SLC34A3: variants seen among roughly 807,000 people sequenced by gnomAD.
SLC34A3 encodes the protein solute carrier family 34 member 3.
SLC34A3 carries 60 observed loss-of-function variants against 43.9 expected under a neutral mutation model. The ratio of observed to expected loss-of-function variants is 1.37; its 90% CI spans 1.11 to 1.70. The LOEUF (loss-of-function observed/expected upper bound fraction) is 1.70. Among genes scored for constraint, SLC34A3 ranks in the 40% most tolerant of loss-of-function variants. The pLI, the probability that SLC34A3 is intolerant of heterozygous loss-of-function variation, is 0.00. For missense variants in SLC34A3, 969 were observed against 823.8 expected, an observed-to-expected ratio of 1.18 and a Z score of -2.16; for synonymous variants, 451 against 386.2, an observed-to-expected ratio of 1.17 and a Z score of -1.97.
At chr9:137,233,779 T>TTTGG in intron 8 of SLC34A3, 57 bp downstream of exon 8, 1 of 1,445,804 alleles carries the variant, frequency 6.9e-7, no homozygotes, top group Non-Finnish European at 9.6e-7. Flanking sequence ...TGCTGAGTCA[T>TTTGG]CCCGCCCCAC....
In SLC34A3 at chr9:137,232,071, G is replaced by A. The variant is rs773574103; in HGVS notation, c.86-1G>A. 6.2e-7 allele frequency: 1 copy of A among 1,612,826 alleles called. No homozygotes were observed. Among genetic ancestry groups the A allele is most frequent in the Non-Finnish European group, 8.5e-7 (1 of 1,179,640 alleles). On this transcript the variant is annotated splice_acceptor_variant, in intron 2 of 12. Coordinates refer to ENST00000673835, the MANE Select transcript of SLC34A3 (RefSeq NM_001177316.2). LOFTEE classifies it high-confidence loss of function. ...AGCCGTACTCAATTCTACCTCCACA[G>A]GGACCTCCAGTTCTGCTCCAGTCTT...
intron 12 of SLC34A3, among the ~76,000 whole-genome samples, chr9:137,235,074 A>G (rs957122241): frequency 2.7e-5 from 4 of 150,274 alleles, no homozygotes; most frequent in Non-Finnish European, 5.9e-5. Context: ...CTGCTCCCTC[A>G]AGGAGCAGCC....
Position 137,233,296 on chromosome 9 carries a change from G to A in SLC34A3, c.648G>A (p.Leu216=). Residue 216 remains leucine, a synonymous_variant, in exon 7 of 13, where the codon CTG becomes CTA. Coordinates refer to ENST00000673835, the MANE Select transcript of SLC34A3 (RefSeq NM_001177316.2). The part of the protein sequence containing the change: ...LLPLESATAL[L]ERLSELALGA... ...CACTGGAGAGCGCCACGGCCCTGCT[G>A]GAGAGGCTAAGTGAGCTAGCCCTGG... 6.3e-7 allele frequency: 1 copy of A among 1,594,028 alleles called. No homozygotes were observed.
In SLC34A3 at chr9:137,234,472, G is replaced by T; in HGVS notation, c.1150G>T (p.Gly384Cys). 1.9e-6 allele frequency: 3 copies of T among 1,600,484 alleles called. No homozygotes were observed. Among genetic ancestry groups the T allele is most frequent in the South Asian group, 1.1e-5 (1 of 90,940 alleles). Residue 384 changes from glycine (G) to cysteine (C), a missense_variant, in exon 11 of 13, where the codon GGC (glycine) becomes TGC (cysteine). Physicochemically the swap from Gly to Cys is radical, Grantham distance 159. Coordinates refer to ENST00000673835, the MANE Select transcript of SLC34A3 (RefSeq NM_001177316.2). This position sits in a 1 kb window ranked among gnomAD's most constrained non-coding sequence, Gnocchi z 6.9. ...GGYLAVLAGA[G>C]LTFALQSSSV... ...CTACCTGGCCGTCCTCGCGGGCGCC[G>T]GCCTGACCTTCGCACTGCAGAGCAG...
intron 3 of SLC34A3, 22 bp downstream of exon 3, chr9:137,232,183 G>T (rs375967374): frequency 1.4e-5 from 22 of 1,607,392 alleles, no homozygotes; most frequent in Admixed American, 3.3e-5. Context: ...GGTTCCGGGG[G>T]TGGCAGGCTG....
rs144275345 is a variant in SLC34A3, at chr9:137,234,722, C to T, written c.1326C>T (p.Ser442=). The part of the protein sequence containing the change: ...ALASPADRML[S]ALQVALIHFF... ...CCAGCCCCGCAGACAGGATGCTCAGCGCCCTGCAGGTACTGTCCACCCTGC... is the reference window on the plus strand; with the variant it reads ...CCAGCCCCGCAGACAGGATGCTCAGTGCCCTGCAGGTACTGTCCACCCTGC... The change falls in exon 12 of 13, where the codon AGC becomes AGT. Residue 442 remains serine, a synonymous_variant. Coordinates refer to ENST00000673835, the MANE Select transcript of SLC34A3 (RefSeq NM_001177316.2). The surrounding 1 kb of genome is among the most constrained non-coding windows in gnomAD (Gnocchi z 6.9). 1.3e-4 allele frequency: 204 copies of T among 1,609,870 alleles called. 1 individual carries two copies. Among genetic ancestry groups the T allele is most frequent in the African/African-American group, 1.2e-3 (92 of 74,996 alleles).
rs202071967 is a variant in SLC34A3 at position 137,234,549 on chromosome 9, G to C, written c.1210+17G>C. On this transcript the variant is annotated intron_variant, in intron 11 of 12. Coordinates refer to ENST00000673835, the MANE Select transcript of SLC34A3 (RefSeq NM_001177316.2). The surrounding 1 kb of genome is among the most constrained non-coding windows in gnomAD (Gnocchi z 6.9). The stretch of plus-strand genomic sequence containing the variant: ...CCCTCATGGGTGAGCAGGCAGGACA[G>C]AGGCCTCGGGAACGGGGGCTCGGGC... The C allele has an allele frequency of 1.2e-6, 2 of 1,609,198 alleles. No homozygotes were observed. Among genetic ancestry groups the C allele is most frequent in the Admixed American group, 1.7e-5 (1 of 59,930 alleles).
intron 12 of SLC34A3, 120 bp from the exon 13 acceptor site, chr9:137,235,832 G>GA: frequency 1.1e-6 from 1 of 904,970 alleles, no homozygotes; most frequent in Non-Finnish European, 1.8e-6. Flanking sequence ...TCTCATCCGT[G>GA]AAGCAGGATG....
In SLC34A3 at chr9:137,232,709, T is replaced by C; in HGVS notation, c.304+6T>C. The C allele has an allele frequency of 6.2e-7, 1 of 1,612,874 alleles. No homozygotes were observed. Among genetic ancestry groups the C allele is most frequent in the Non-Finnish European group, 8.5e-7 (1 of 1,179,932 alleles). ...CGCCTTCCAGCTGCTGGGCAGTGAG[T>C]GACGGGACGGGTGCCCAGGGCGGGG... On this transcript the variant is annotated splice_donor_region_variant and intron_variant, in intron 4 of 12. Coordinates refer to ENST00000673835, the MANE Select transcript of SLC34A3 (RefSeq NM_001177316.2).
upstream of SLC34A3, among the ~76,000 whole-genome samples, chr9:137,230,166 T>A (rs1356562644): frequency 6.6e-6 from 1 of 152,050 alleles, no homozygotes; most frequent in Non-Finnish European, 1.5e-5. Context: ...CCAGTCCTCC[T>A]AGGGGACACC....
At chr9:137,233,779 T>TCTCCCCCCCCCC in intron 8 of SLC34A3, 57 bp downstream of exon 8, 1 of 1,445,826 alleles carries the variant, frequency 6.9e-7, no homozygotes, top group Non-Finnish European at 9.6e-7. Context: ...TGCTGAGTCA[T>TCTCCCCCCCCCC]CCCGCCCCAC....
intron 12 of SLC34A3, 51 bp from the exon 13 acceptor site, chr9:137,235,901 G>A (rs1836566978): frequency 1.3e-6 from 2 of 1,575,652 alleles, no homozygotes; most frequent in Non-Finnish European, 1.7e-6. Context: ...CGGGGCCCCT[G>A]GTGACCCCAC....
intron 7 of SLC34A3, 82 bp from the exon 8 acceptor site, chr9:137,233,551 G>A (rs1160887523): frequency 1.3e-6 from 2 of 1,560,062 alleles, no homozygotes; most frequent in East Asian, 4.5e-5. Context: ...GGCAGGGCTG[G>A]GCTGGACCCC....
At chr9:137,231,325 G>A (rs772717533) in intron 1 of SLC34A3, among the ~76,000 whole-genome samples, 3 of 152,196 alleles carry the variant, frequency 2.0e-5, no homozygotes, top group Non-Finnish European at 2.9e-5. Context: ...CAGTGTCCCC[G>A]ATGACACCAG....
In SLC34A3 at chr9:137,236,464, T is replaced by C. The variant is rs570400298; in HGVS notation, c.*48T>C. 1 of 1,472,288 alleles carries C rather than the reference T, an allele frequency of 6.8e-7. No individual in the cohort carries two copies. Among genetic ancestry groups the C allele is most frequent in the Non-Finnish European group, 9.2e-7 (1 of 1,089,572 alleles). The allele number at this position is 1,472,288 out of a possible 1,614,324, so 91.2% of individuals were successfully genotyped here. On this transcript the variant is annotated 3_prime_UTR_variant, in exon 13 of 13. Transcript: ENST00000673835. ...CCCCACCCTCCCCGGCTGGGAGGGCTCTGGAGGGCCCTGGAGGGGGGGTCC... is the reference window on the plus strand; with the variant it reads ...CCCCACCCTCCCCGGCTGGGAGGGCCCTGGAGGGCCCTGGAGGGGGGGTCC...
At chr9:137,232,313 C>A in intron 3 of SLC34A3, 152 bp downstream of exon 3, 3 of 852,096 alleles carry the variant, frequency 3.5e-6, no homozygotes, top group Non-Finnish European at 5.6e-6. Flanking sequence ...GTCCCTCAAC[C>A]GGGTGTCTGT....
chr9:137,230,960 C>G (rs962405700), intron 1 of SLC34A3, 22 bp downstream of exon 1: 5 of 152,566 alleles, frequency 3.3e-5, no homozygotes, highest in Non-Finnish European at 5.9e-5. Context: ...TAGGACCAGG[C>G]TGAGGCCCAG....
In SLC34A3 at chr9:137,234,191, C is replaced by A; in HGVS notation, c.1008C>A (p.Cys336Ter). 6.2e-7 allele frequency: 1 copy of A among 1,605,506 alleles called. No individual in the cohort carries two copies. The highest frequency in any genetic ancestry group is 8.5e-7 in the Non-Finnish European group (1 of 1,177,830). The change falls in exon 10 of 13, where the codon TGC becomes TGA. Residue 336 changes from cysteine to a stop codon, truncating the protein, a stop_gained. Coordinates refer to ENST00000673835, the MANE Select transcript of SLC34A3 (RefSeq NM_001177316.2). LOFTEE classifies it high-confidence loss of function. This position sits in a 1 kb window ranked among gnomAD's most constrained non-coding sequence, Gnocchi z 6.9. ...TGGCCGGCTCCCTGCTGGTGCTCTG[C>A]GGCTGCCTGGTCCTCATAGTCAAGC... The part of the protein sequence containing the change: ...ILLAGSLLVL[C>*]GCLVLIVKLL...
In SLC34A3 at chr9:137,232,805, T is replaced by TC; in HGVS notation, c.327dup (p.Lys110GlnfsTer40). 7 of 1,613,114 alleles carry TC rather than the reference T, an allele frequency of 4.3e-6. No individual in the cohort carries two copies. The highest frequency in any genetic ancestry group is 5.9e-6 in the Non-Finnish European group (7 of 1,179,992). Reference sequence around the variant, plus strand: ...GTAGGCAAAGTGGCCGGAGACATCTTCAAGGACAACGTGGTGCTGTCCAAC... The same window carrying TC: ...GTAGGCAAAGTGGCCGGAGACATCTTCCAAGGACAACGTGGTGCTGTCCAAC... On this transcript the variant is annotated frameshift_variant, in exon 5 of 13. Coordinates refer to ENST00000673835, the MANE Select transcript of SLC34A3 (RefSeq NM_001177316.2). LOFTEE classifies it high-confidence loss of function.
Sources: gnomAD v4.1 joint callset for allele counts (sites outside exome capture counted in the v4.1 genomes callset) on GRCh38, gnomAD v4.1.1 for gene constraint, Gnocchi (gnomAD v3.1) non-coding constraint, MANE v1.5 for transcripts, NCBI Gene and HGNC (gene_info 2026-07-23, HGNC 2026-07-21) for gene names.